Variants in NELL1 observed in about 807,000 individuals in gnomAD.
NELL1 encodes protein kinase C-binding protein NELL1.
Under a neutral mutation model 107.4 loss-of-function variants are expected in NELL1, and 76 were observed. That is an observed-to-expected ratio of 0.71 (90% confidence interval 0.59 to 0.86). The LOEUF (loss-of-function observed/expected upper bound fraction) is 0.86. Among genes scored for constraint, NELL1 ranks in the 40% least tolerant of loss-of-function variants. The pLI is 0.00. For synonymous variants in NELL1, 353 were observed against 341.2 expected (o/e 1.03, Z -0.38); for missense variants, 1,024 against 1,005.5 (o/e 1.02, Z -0.25).
At chr11:20,744,340 A>G (rs1855955265) in intron 2 of NELL1, among the ~76,000 whole-genome samples, 5 of 152,188 alleles carry the variant, frequency 3.3e-5, no homozygotes, top group Admixed American at 1.3e-4. Context: ...TTATTATACT[A>G]TTTATCATCC....
chr11:21,435,226 A>G (rs1853076123), intron 15 of NELL1, among the ~76,000 whole-genome samples: 1 of 152,086 alleles, frequency 6.6e-6, no homozygotes, highest in Non-Finnish European at 1.5e-5. Flanking sequence ...CTTATGATAA[A>G]TAAGAGTGGT....
chr11:20,944,308 A>G (rs1285062815), intron 10 of NELL1, among the ~76,000 whole-genome samples: 2 of 152,196 alleles, frequency 1.3e-5, no homozygotes, highest in Non-Finnish European at 1.5e-5. Context: ...ATTTTCACCA[A>G]GTGTTTCCAG....
intron 3 of NELL1, among the ~76,000 whole-genome samples, chr11:20,821,684 C>T (rs980435743): frequency 6.6e-6 from 1 of 152,230 alleles, no homozygotes; most frequent in African/African-American, 2.4e-5. Flanking sequence ...AATAGAGCCT[C>T]AGCAGCTAGA....
chr11:20,823,064 A>C (rs1590327314), intron 3 of NELL1, among the ~76,000 whole-genome samples: 1 of 151,764 alleles, frequency 6.6e-6, no homozygotes, highest in African/African-American at 2.4e-5. Flanking sequence ...CAGAAAATAC[A>C]AGGTCTGTAT....
At chr11:21,314,012 G>T (rs192233243) in intron 14 of NELL1, among the ~76,000 whole-genome samples, 1,679 of 21,564 alleles carry the variant, frequency 0.078, 23 homozygotes, top group East Asian at 0.27. Context: ...CCCCCCCCGC[G>T]ACCCCCACTT....
intron 13 of NELL1, among the ~76,000 whole-genome samples, chr11:21,144,391 G>T (rs544502930): frequency 7.2e-5 from 11 of 152,288 alleles, no homozygotes; most frequent in African/African-American, 2.2e-4. Context: ...ATGCATGCAT[G>T]TTTACATCCC....
At chr11:21,187,140 G>C (rs1856951946) in intron 13 of NELL1, among the ~76,000 whole-genome samples, 3 of 151,818 alleles carry the variant, frequency 2.0e-5, no homozygotes. Context: ...GCACTAAAGA[G>C]ATAAGAGAAG....
intron 13 of NELL1, among the ~76,000 whole-genome samples, chr11:21,196,628 C>A (rs1485947896): frequency 1.3e-5 from 2 of 152,092 alleles, no homozygotes; most frequent in Admixed American, 1.3e-4. Context: ...TCTCCATCCC[C>A]TTTCTCTGCT....
At chr11:20,725,407 T>A (rs898516202) in intron 2 of NELL1, among the ~76,000 whole-genome samples, 4 of 152,306 alleles carry the variant, frequency 2.6e-5, no homozygotes, top group African/African-American at 9.6e-5. Context: ...AGCAGGCATG[T>A]GAGCAACAGG....
At chr11:21,159,960 A>C (rs1856326436) in intron 13 of NELL1, among the ~76,000 whole-genome samples, 1 of 152,144 alleles carries the variant, frequency 6.6e-6, no homozygotes, top group Non-Finnish European at 1.5e-5. Context: ...AGACCTAACA[A>C]CCAGAATGTC....
intron 14 of NELL1, among the ~76,000 whole-genome samples, chr11:21,247,187 T>C (rs1044170596): frequency 1.3e-5 from 2 of 152,206 alleles, no homozygotes; most frequent in African/African-American, 4.8e-5. Flanking sequence ...AGGACATTGC[T>C]GTACACTATG....
At chr11:20,744,138 A>T (rs559975355) in intron 2 of NELL1, among the ~76,000 whole-genome samples, 1 of 152,304 alleles carries the variant, frequency 6.6e-6, no homozygotes, top group East Asian at 1.9e-4. Context: ...TTTCTTGCTT[A>T]GAAAATCACA....
At chr11:21,210,740 T>A (rs1047506032) in intron 13 of NELL1, among the ~76,000 whole-genome samples, 1 of 152,180 alleles carries the variant, frequency 6.6e-6, no homozygotes, top group African/African-American at 2.4e-5. Flanking sequence ...TCGGTATTAT[T>A]TTCTCCACCC....
At position 21,574,976 on chromosome 11, in the gene NELL1, G is replaced by A. The variant is rs771667370; in HGVS notation, c.2387G>A (p.Gly796Glu). 23 of 1,610,508 alleles carry A rather than the reference G, an allele frequency of 1.4e-5. No individual in the cohort carries two copies. The highest frequency in any genetic ancestry group is 1.7e-5 in the Non-Finnish European group (20 of 1,177,696). The change falls in exon 20 of 20, where the codon GGA becomes GAA. Residue 796 changes from glycine to glutamate, a missense_variant. By Grantham distance (98) the Gly-to-Glu change is moderately conservative. Coordinates refer to ENST00000357134, the MANE Select transcript of NELL1 (RefSeq NM_006157.5). Reference protein sequence around the residue: ...SPCTTCKCKNGRVCCSVDFEC... With the variant: ...SPCTTCKCKNERVCCSVDFEC... ...ACATGTTTCTTTGATGTACAGAATG[G>A]AAGAGTCTGTTGTTCTGTGGATTTT...
At position 20,909,636 on chromosome 11, in the gene NELL1, C is replaced by CA. The variant is rs535534336; in HGVS notation, c.604-8546_604-8545insA. Among the ~76,000 whole-genome samples the CA allele has an allele frequency of 9.2e-5, 14 of 152,240 alleles. No homozygotes were observed. The East Asian group carries it at 2.7e-3, about 29-fold the overall frequency. ...TTGCTTAAATTCTTTTAGTGACTCT[C>CA]TATTGCATGTCAAACCAGCGTAAGA... On this transcript the variant is annotated intron_variant, in intron 5 of 19. Coordinates refer to ENST00000357134, the MANE Select transcript of NELL1 (RefSeq NM_006157.5).
At chr11:20,991,067 C>T (rs905506736) in intron 12 of NELL1, among the ~76,000 whole-genome samples, 1 of 152,168 alleles carries the variant, frequency 6.6e-6, no homozygotes, top group Admixed American at 6.5e-5. Context: ...GCCTCTGATT[C>T]CTAGGATGGG....
At chr11:20,811,053 A>G (rs1857492012) in intron 3 of NELL1, among the ~76,000 whole-genome samples, 1 of 152,072 alleles carries the variant, frequency 6.6e-6, no homozygotes, top group African/African-American at 2.4e-5. Flanking sequence ...TTGAGCTTTT[A>G]TCCAAAAAAT....
intron 14 of NELL1, among the ~76,000 whole-genome samples, chr11:21,278,385 A>T (rs76740914): frequency 0.019 from 2,837 of 152,290 alleles, 93 homozygotes; most frequent in African/African-American, 0.065. Context: ...CTAAGTAGAA[A>T]TTTTTTAAAA....
intron 12 of NELL1, among the ~76,000 whole-genome samples, chr11:21,007,577 T>G (rs1852356613): frequency 6.6e-6 from 1 of 152,052 alleles, no homozygotes; most frequent in African/African-American, 2.4e-5. Flanking sequence ...ACTGGCATTC[T>G]CTTCTCACTC....
Sources: gnomAD v4.1 joint callset for allele counts (sites outside exome capture counted in the v4.1 genomes callset) on GRCh38, gnomAD v4.1.1 for gene constraint, MANE v1.5 for transcripts, NCBI Gene and HGNC (gene_info 2026-07-23, HGNC 2026-07-21) for gene names.